Variants in OR51B5 observed in about 807,000 individuals in gnomAD.
OR51B5 encodes olfactory receptor family 51 subfamily B member 5.
For synonymous variants in OR51B5, 186 were observed against 144.8 expected (o/e 1.28, Z -2.04); for missense variants, 456 against 374.6 (o/e 1.22, Z -1.79).
intron 1 of OR51B5, among the ~76,000 whole-genome samples, chr11:5,416,530 A>C (rs1418602735): frequency 6.6e-6 from 1 of 151,676 alleles, no homozygotes; most frequent in African/African-American, 2.4e-5. Context: ...AGAAAACCCC[A>C]TTGTCTCAGC....
intron 1 of OR51B5, chr11:5,489,529 C>A: frequency 6.2e-7 from 1 of 1,614,086 alleles, no homozygotes; most frequent in Non-Finnish European, 8.5e-7. Flanking sequence ...AGTCCCCAAG[C>A]ATGTGCACAT....
chr11:5,421,342 C>G (rs1054845384), intron 1 of OR51B5, among the ~76,000 whole-genome samples: 3 of 152,214 alleles, frequency 2.0e-5, no homozygotes, highest in Non-Finnish European at 4.4e-5. Context: ...GAGGGTACCT[C>G]CAAGGCAGGA....
chr11:5,484,347 T>G (rs996785969), intron 1 of OR51B5, among the ~76,000 whole-genome samples: 8 of 152,192 alleles, frequency 5.3e-5, no homozygotes, highest in Non-Finnish European at 1.2e-4. Context: ...CCTGCCTCAA[T>G]CTTTCTGGTC....
intron 1 of OR51B5, among the ~76,000 whole-genome samples, chr11:5,479,635 C>G (rs1384231962): frequency 6.6e-6 from 1 of 152,010 alleles, no homozygotes; most frequent in African/African-American, 2.4e-5. Context: ...TGCAGAGACA[C>G]ACGTAGGCTC....
intron 1 of OR51B5, among the ~76,000 whole-genome samples, chr11:5,380,978 T>C (rs1290334806): frequency 1.3e-5 from 2 of 152,096 alleles, no homozygotes; most frequent in Non-Finnish European, 2.9e-5. Flanking sequence ...GTACAGACCT[T>C]GGGGATTCAG....
intron 1 of OR51B5, among the ~76,000 whole-genome samples, chr11:5,459,200 A>G (rs1851009300): frequency 6.6e-6 from 1 of 152,188 alleles, no homozygotes; most frequent in African/African-American, 2.4e-5. Flanking sequence ...TTCTGTCTCT[A>G]TTGAGATGGT....
upstream of OR51B5, chr11:5,346,479 TAAACTTC>T (rs1170738969): frequency 7.3e-6 from 1 of 136,612 alleles, no homozygotes; most frequent in Non-Finnish European, 1.7e-5. Context: ...GAAAATCAGA[TAAACTTC>T]TAACATTTAC....
chr11:5,487,723 C>T (rs964924309), intron 1 of OR51B5, among the ~76,000 whole-genome samples: 7 of 151,326 alleles, frequency 4.6e-5, no homozygotes, highest in African/African-American at 1.5e-4. Flanking sequence ...CTTTTTATAT[C>T]TGTCTCTAAT....
chr11:5,359,129 G>A (rs1394009217), intron 1 of OR51B5, among the ~76,000 whole-genome samples: 13 of 152,228 alleles, frequency 8.5e-5, no homozygotes, highest in Admixed American at 2.0e-4. Context: ...ACATAGTGTT[G>A]GAATTTCTGG....
intron 1 of OR51B5, among the ~76,000 whole-genome samples, chr11:5,434,917 G>A (rs1164459797): frequency 2.6e-5 from 4 of 152,112 alleles, no homozygotes; most frequent in Admixed American, 2.0e-4. Flanking sequence ...ACATCTAAAT[G>A]AGAAAAATGG....
rs138581222 is a variant in OR51B5 at position 5,492,457 on chromosome 11, T to C, written n.84+13112A>G. Among the ~76,000 whole-genome samples the C allele has an allele frequency of 8.3e-3, 1,260 of 152,274 alleles. 17 individuals are homozygous for C. Among genetic ancestry groups the C allele is most frequent in the African/African-American group, 0.029 (1,200 of 41,542 alleles). Reference sequence around the variant, plus strand: ...TATAAATATATTAATAGATAATTTCTTCATTGTGATTTAGATTATTCTCTT... The same window carrying C: ...TATAAATATATTAATAGATAATTTCCTCATTGTGATTTAGATTATTCTCTT... On this transcript the variant is annotated intron_variant and non_coding_transcript_variant, in intron 1 of 4. Coordinates refer to the OR51B5 transcript ENST00000415970.
intron 1 of OR51B5, chr11:5,455,568 A>ACAGAGAGAGAGAAAGAGAAAGAGAGAG (rs1554893749): frequency 1.5e-5 from 2 of 135,318 alleles, no homozygotes; most frequent in African/African-American, 5.6e-5. Flanking sequence ...AAGGGGGGAG[A>ACAGAGAGAGAGAAAGAGAAAGAGAGAG]GAGAGAGAGA....
At chr11:5,389,576 A>AT in intron 1 of OR51B5, 1 of 1,613,812 alleles carries the variant, frequency 6.2e-7, no homozygotes. Flanking sequence ...CATTCTGATC[A>AT]TTATTAAGAC....
At chr11:5,391,457 AT>A (rs1849794066) in intron 1 of OR51B5, 1 of 152,210 alleles carries the variant, frequency 6.6e-6, no homozygotes, top group Non-Finnish European at 1.5e-5. Context: ...GGAATTAGGC[AT>A]GTCTTGCTCG....
Position 5,460,582 on chromosome 11 carries a change from T to C in OR51B5, n.84+44987A>G, listed in dbSNP as rs561581064. On this transcript the variant is annotated intron_variant and non_coding_transcript_variant, in intron 1 of 4. Transcript: ENST00000415970. The stretch of plus-strand genomic sequence containing the variant: ...ATTCTGAATTCTTTATCTGTCATTT[T>C]AGCCATTTCAATCAGGTTAAGAACC... 6.2e-5 allele frequency among the ~76,000 whole-genome samples: 9 copies of C among 144,952 alleles called. No individual in the cohort carries two copies. In the South Asian group the frequency reaches 1.8e-3, roughly 29 times the overall value.
chr11:5,458,994 G>T (rs968326956), intron 1 of OR51B5, among the ~76,000 whole-genome samples: 1 of 152,156 alleles, frequency 6.6e-6, no homozygotes, highest in Non-Finnish European at 1.5e-5. Flanking sequence ...ACTATGCAGA[G>T]TAAGAGTGGT....
intron 1 of OR51B5, among the ~76,000 whole-genome samples, chr11:5,408,579 C>T (rs1316238231): frequency 6.6e-6 from 1 of 152,144 alleles, no homozygotes; most frequent in African/African-American, 2.4e-5. Context: ...TGGTCTGGCA[C>T]TCACAGCTAA....
intron 1 of OR51B5, among the ~76,000 whole-genome samples, chr11:5,405,874 G>A (rs1391613): frequency 0.84 from 127,525 of 152,118 alleles, 53,945 homozygotes; most frequent in Non-Finnish European, 0.89. Flanking sequence ...CCGCTGATAG[G>A]TGACACAACT....
At chr11:5,440,564 C>T (rs1358766796) in intron 1 of OR51B5, 2 of 1,607,284 alleles carry the variant, frequency 1.2e-6, no homozygotes, top group South Asian at 2.2e-5. Context: ...GGGCCTTCAG[C>T]CTTCCTCAGG....
Sources: gnomAD v4.1 joint callset for allele counts (sites outside exome capture counted in the v4.1 genomes callset) on GRCh38, gnomAD v4.1.1 for gene constraint, MANE v1.5 for transcripts, NCBI Gene and HGNC (gene_info 2026-07-23, HGNC 2026-07-21) for gene names.